Variants in TRABD2B observed in about 807,000 individuals in gnomAD.
The protein encoded by TRABD2B is metalloprotease TIKI2.
In TRABD2B, 14 loss-of-function variants were observed where a neutral mutation model predicts 40.1. The ratio of observed to expected loss-of-function variants is 0.35; its 90% CI spans 0.23 to 0.55. TRABD2B has a LOEUF of 0.55. TRABD2B is among the 20% of genes least tolerant of loss of function. The probability of loss-of-function intolerance (pLI) is 0.90; values close to 1 mark genes in which losing one functional copy is unlikely to be tolerated. For missense variants in TRABD2B, 541 were observed against 648.6 expected, an observed-to-expected ratio of 0.83 and a Z score of 1.80; for synonymous variants, 263 against 277.0, an observed-to-expected ratio of 0.95 and a Z score of 0.50.
At position 47,882,044 on chromosome 1, in the gene TRABD2B, C is replaced by T. The variant is rs1423215709; in HGVS notation, c.667-80425G>A. On this transcript the variant is annotated intron_variant, in intron 2 of 6. Coordinates refer to ENST00000606738, the MANE Select transcript of TRABD2B (RefSeq NM_001194986.2). ...CATGTGAGCGTGTGTGCCTTCTGCC[C>T]TCAGAAGCCTGGAGAAATCCAACAG... 4.6e-5 allele frequency among the ~76,000 whole-genome samples: 7 copies of T among 152,342 alleles called. No homozygotes were observed. The East Asian group carries it at 1.4e-3, about 29-fold the overall frequency.
intron 2 of TRABD2B, among the ~76,000 whole-genome samples, chr1:47,916,727 G>T (rs937138105): frequency 1.2e-4 from 18 of 152,168 alleles, no homozygotes; most frequent in Non-Finnish European, 2.6e-4. Flanking sequence ...GGGTCAGACT[G>T]GGGGGGCTTG....
chr1:47,964,923 C>T (rs1645576608), intron 2 of TRABD2B, among the ~76,000 whole-genome samples: 1 of 151,940 alleles, frequency 6.6e-6, no homozygotes, highest in African/African-American at 2.4e-5. Context: ...CAGGCAGACA[C>T]CATTTCTTCT....
intron 4 of TRABD2B, 74 bp from the exon 5 acceptor site, chr1:47,778,618 C>T: frequency 8.8e-7 from 1 of 1,132,652 alleles, no homozygotes; most frequent in South Asian, 1.3e-5. Flanking sequence ...CCAGGCCATC[C>T]CCTAAGTTTG....
At chr1:47,909,917 T>C (rs1218757002) in intron 2 of TRABD2B, among the ~76,000 whole-genome samples, 4 of 151,496 alleles carry the variant, frequency 2.6e-5, no homozygotes, top group African/African-American at 9.7e-5. Context: ...TGGAGCACAG[T>C]GGCACAATCA....
intron 2 of TRABD2B, among the ~76,000 whole-genome samples, chr1:47,828,601 G>A (rs1192326923): frequency 1.3e-5 from 2 of 152,216 alleles, no homozygotes; most frequent in Non-Finnish European, 1.5e-5. Flanking sequence ...CGAGGCCAGA[G>A]GTATAAGTCC....
chr1:47,872,930 T>G (rs926120032), intron 2 of TRABD2B, among the ~76,000 whole-genome samples: 1 of 152,082 alleles, frequency 6.6e-6, no homozygotes, highest in African/African-American at 2.4e-5. Context: ...ACTGAGAAAT[T>G]TATAAACAAT....
intron 2 of TRABD2B, among the ~76,000 whole-genome samples, chr1:47,975,485 C>T (rs979085043): frequency 1.3e-5 from 2 of 152,186 alleles, no homozygotes; most frequent in South Asian, 2.1e-4. Context: ...TTACTTTGTG[C>T]ACCTGAAACA....
Position 47,775,333 on chromosome 1 carries a change from C to T in TRABD2B, c.1186G>A (p.Ala396Thr), listed in dbSNP as rs904035955. The change falls in exon 6 of 7, where the codon GCC becomes ACC. Residue 396 changes from alanine to threonine, a missense_variant. Ala to Thr is a moderately conservative substitution (Grantham distance 58). Coordinates refer to ENST00000606738, the MANE Select transcript of TRABD2B (RefSeq NM_001194986.2). ...GCTGGATCCTCATCCTCTGGTGGGG[C>T]GGTGGGGGTCACAGAGGGTGCTTCG... ...VPEAPSVTPT[A>T]PPEDEDPALS... 1.3e-5 allele frequency: 16 copies of T among 1,229,632 alleles called. No individual in the cohort carries two copies. The highest frequency in any genetic ancestry group is 2.4e-4 in the Middle Eastern group (1 of 4,180). The allele number at this position is 1,229,632 out of a possible 1,614,324, so 76.2% of individuals were successfully genotyped here. A position where few individuals can be genotyped will look rare whatever the true frequency, so the allele number is the denominator to read the frequency against.
rs895298318 is a variant in TRABD2B, at chr1:47,941,623, T to C, written c.666+52411A>G. On this transcript the variant is annotated intron_variant, in intron 2 of 6. Coordinates refer to ENST00000606738, the MANE Select transcript of TRABD2B (RefSeq NM_001194986.2). ...CTCCATGTATAAACCAGGCTAGTAA[T>C]CACCTTGCCTACCTCTCCAGGCTGT... Among the ~76,000 whole-genome samples, 14 of 152,326 alleles carry C rather than the reference T, an allele frequency of 9.2e-5. No homozygotes were observed. In the South Asian group the frequency reaches 1.2e-3, roughly 14 times the overall value.
rs541912961 is a variant in TRABD2B at position 47,838,911 on chromosome 1, G to A, written c.667-37292C>T. Among the ~76,000 whole-genome samples, 6 of 152,338 alleles carry A rather than the reference G, an allele frequency of 3.9e-5. No individual in the cohort carries two copies. The South Asian group carries it at 1.2e-3, about 32-fold the overall frequency. ...GAGACGAAACGGGAGAGATGTCCAG[G>A]CAGGGGCGAAAGCTGGAGCTCCAGC... On this transcript the variant is annotated intron_variant, in intron 2 of 6. Coordinates refer to ENST00000606738, the MANE Select transcript of TRABD2B (RefSeq NM_001194986.2).
chr1:47,856,576 G>A (rs926852923), intron 2 of TRABD2B, among the ~76,000 whole-genome samples: 1 of 152,198 alleles, frequency 6.6e-6, no homozygotes, highest in Non-Finnish European at 1.5e-5. Context: ...ACACAGCATG[G>A]TGCTTAGAGA....
chr1:47,888,814 A>G (rs922173951), intron 2 of TRABD2B, among the ~76,000 whole-genome samples: 23 of 152,122 alleles, frequency 1.5e-4, no homozygotes, highest in Admixed American at 3.3e-4. Flanking sequence ...GTTTCTGCCC[A>G]TGAGAGAGCT....
At position 47,903,372 on chromosome 1, in the gene TRABD2B, C is replaced by T. The variant is rs1185487403; in HGVS notation, c.666+90662G>A. Among the ~76,000 whole-genome samples, 3 of 152,286 alleles carry T rather than the reference C, an allele frequency of 2.0e-5. No homozygotes were observed. In the East Asian group the frequency reaches 5.8e-4, roughly 29 times the overall value. On this transcript the variant is annotated intron_variant, in intron 2 of 6. Transcript: ENST00000606738. ...CAGAGACCCAGCTGTGCCTCTCCTA[C>T]TGCCCAGCTGTGCCTCAGGGTCTTG...
intron 4 of TRABD2B, among the ~76,000 whole-genome samples, chr1:47,781,588 A>T (rs1050604233): frequency 2.6e-5 from 4 of 152,250 alleles, no homozygotes; most frequent in Non-Finnish European, 5.9e-5. Context: ...CCCAAAACAG[A>T]AGACTTCAGA....
At chr1:47,778,339 G>T in intron 5 of TRABD2B, 115 bp downstream of exon 5, 1 of 751,220 alleles carries the variant, frequency 1.3e-6, no homozygotes, top group Non-Finnish European at 2.2e-6. Context: ...TTCCATTCTT[G>T]CTTCCTGGTA....
intron 2 of TRABD2B, among the ~76,000 whole-genome samples, chr1:47,967,984 A>G (rs941293211): frequency 1.3e-5 from 2 of 152,268 alleles, no homozygotes; most frequent in African/African-American, 4.8e-5. Flanking sequence ...ACTGTGTGTT[A>G]TCTTACAGTG....
At chr1:47,798,825 GC>G (rs1644782541) in intron 3 of TRABD2B, among the ~76,000 whole-genome samples, 1 of 152,216 alleles carries the variant, frequency 6.6e-6, no homozygotes, top group African/African-American at 2.4e-5. Context: ...AGACTTTGAG[GC>G]CCCCAGCTAC....
chr1:47,831,275 T>G (rs993545406), intron 2 of TRABD2B, among the ~76,000 whole-genome samples: 1 of 152,040 alleles, frequency 6.6e-6, no homozygotes, highest in Non-Finnish European at 1.5e-5. Flanking sequence ...GAATTATTAA[T>G]AGGTCCTACT....
At chr1:47,825,370 C>A (rs935703465) in intron 2 of TRABD2B, among the ~76,000 whole-genome samples, 1 of 152,194 alleles carries the variant, frequency 6.6e-6, no homozygotes, top group African/African-American at 2.4e-5. Flanking sequence ...CTGTCACCTC[C>A]TTTTTACATT....
Sources: gnomAD v4.1 joint callset for allele counts (sites outside exome capture counted in the v4.1 genomes callset) on GRCh38, gnomAD v4.1.1 for gene constraint, MANE v1.5 for transcripts, NCBI Gene and HGNC (gene_info 2026-07-23, HGNC 2026-07-21) for gene names.